Variants in SLC35F4 observed in about 807,000 individuals in gnomAD.
SLC35F4 encodes chromosome 14 open reading frame 36.
A neutral mutation model predicts 44.2 loss-of-function variants in SLC35F4; 24 were observed. That is an observed-to-expected ratio of 0.54 (90% CI 0.39 to 0.76). The LOEUF (loss-of-function observed/expected upper bound fraction) is 0.76, where lower values mean the gene tolerates loss of function less well. Ranked by LOEUF, SLC35F4 falls within the 30% of genes least tolerant of loss-of-function variation. The pLI is 0.00. For synonymous variants in SLC35F4, 238 were observed against 223.6 expected, an observed-to-expected ratio of 1.06 and a Z score of -0.57; for missense variants, 562 against 586.1, an observed-to-expected ratio of 0.96 and a Z score of 0.42.
Position 57,880,030 on chromosome 14 carries a change from GAGGGAGGAAGGAAGGA to G in SLC35F4, n.282+101867_282+101882del, listed in dbSNP as rs1460219404. Among the ~76,000 whole-genome samples, 707 of 120,152 alleles carry G rather than the reference GAGGGAGGAAGGAAGGA, an allele frequency of 5.9e-3. 15 individuals carry two copies. Among genetic ancestry groups the G allele is most frequent in the African/African-American group, 0.022 (622 of 28,572 alleles). The allele number at this position is 120,152 out of a possible 152,430, so 78.8% of individuals were successfully genotyped here. A position where few individuals can be genotyped will look rare whatever the true frequency, so the allele number is the denominator to read the frequency against. On this transcript the variant is annotated intron_variant and non_coding_transcript_variant, in intron 1 of 1. Transcript: ENST00000556568. ...GAAGGGAAAGGAAAGGAAAGGAAAG[GAGGGAGGAAGGAAGGA>G]AGGAAGGAAGGAAGGAAGGAAGGAA...
chr14:57,673,219 T>C (rs1340901648), intron 1 of SLC35F4, among the ~76,000 whole-genome samples: 3 of 152,052 alleles, frequency 2.0e-5, no homozygotes, highest in Non-Finnish European at 4.4e-5. Flanking sequence ...AGGATTATGG[T>C]GGTAACTGAA....
At chr14:57,602,302 A>C (rs533401887) in intron 1 of SLC35F4, 53 of 152,260 alleles carry the variant, frequency 3.5e-4, no homozygotes, top group African/African-American at 1.2e-3. Context: ...AATTGTGGGG[A>C]GCAAACAAGG....
intron 1 of SLC35F4, among the ~76,000 whole-genome samples, chr14:57,931,019 G>A (rs74054812): frequency 0.02 from 3,034 of 152,252 alleles, 86 homozygotes; most frequent in African/African-American, 0.069. Context: ...ATGGGAAAAT[G>A]AAGTATTAAA....
chr14:57,622,932 CAT>C (rs2072269267), intron 1 of SLC35F4, among the ~76,000 whole-genome samples: 1 of 152,102 alleles, frequency 6.6e-6, no homozygotes, highest in African/African-American at 2.4e-5. Flanking sequence ...TAGCTAGCAT[CAT>C]ATGACAGGAT....
chr14:57,877,838 C>A (rs1191635575), intron 1 of SLC35F4, among the ~76,000 whole-genome samples: 1 of 151,832 alleles, frequency 6.6e-6, no homozygotes, highest in Non-Finnish European at 1.5e-5. Flanking sequence ...GCTTATGCCA[C>A]CATACCTGGC....
intron 1 of SLC35F4, among the ~76,000 whole-genome samples, chr14:57,690,626 C>CA (rs1424264701): frequency 1.6e-4 from 24 of 151,954 alleles, no homozygotes; most frequent in Admixed American, 6.6e-4. Flanking sequence ...CTGTAATATA[C>CA]AAAAAATATA....
intron 1 of SLC35F4, among the ~76,000 whole-genome samples, chr14:57,853,975 A>G (rs963691484): frequency 6.6e-6 from 1 of 152,168 alleles, no homozygotes; most frequent in Non-Finnish European, 1.5e-5. Context: ...ACATCTTTCC[A>G]TTTTACATAG....
chr14:57,981,395 T>C (rs937563788), intron 1 of SLC35F4, among the ~76,000 whole-genome samples: 2 of 152,206 alleles, frequency 1.3e-5, no homozygotes, highest in African/African-American at 4.8e-5. Flanking sequence ...ACCCCCATTT[T>C]AGAGTTGAAG....
At chr14:57,709,045 C>T (rs1036754332) in intron 1 of SLC35F4, among the ~76,000 whole-genome samples, 12 of 152,122 alleles carry the variant, frequency 7.9e-5, no homozygotes, top group Admixed American at 5.2e-4. Flanking sequence ...GGACTAGGAG[C>T]GTGACCACTG....
At chr14:57,704,248 C>T (rs767513838) in intron 1 of SLC35F4, among the ~76,000 whole-genome samples, 31 of 152,102 alleles carry the variant, frequency 2.0e-4, no homozygotes, top group South Asian at 4.1e-4. Flanking sequence ...TTGTGGTTTC[C>T]TATGTGTAAA....
chr14:57,865,069 C>CCA (rs1303636795), intron 1 of SLC35F4, among the ~76,000 whole-genome samples: 2 of 143,604 alleles, frequency 1.4e-5, no homozygotes, highest in Admixed American at 6.8e-5. Context: ...CCCCCCCCCC[C>CCA]CACGCCCCCA....
At chr14:57,816,194 C>A (rs952785517) in intron 1 of SLC35F4, among the ~76,000 whole-genome samples, 1 of 152,116 alleles carries the variant, frequency 6.6e-6, no homozygotes, top group South Asian at 2.1e-4. Flanking sequence ...GGGCCCCATG[C>A]GTGTAAAATC....
At chr14:57,716,107 T>C (rs2075933268) in intron 1 of SLC35F4, among the ~76,000 whole-genome samples, 3 of 152,286 alleles carry the variant, frequency 2.0e-5, no homozygotes, top group South Asian at 4.1e-4. Flanking sequence ...AGAGGAATGG[T>C]GAACACCACT....
At chr14:57,647,790 C>T (rs1172010836) in intron 1 of SLC35F4, among the ~76,000 whole-genome samples, 1 of 152,106 alleles carries the variant, frequency 6.6e-6, no homozygotes, top group East Asian at 1.9e-4. Flanking sequence ...CCTGATCACC[C>T]TCAATATGTA....
intron 1 of SLC35F4, among the ~76,000 whole-genome samples, chr14:57,701,074 C>G (rs776002756): frequency 6.6e-6 from 1 of 152,124 alleles, no homozygotes; most frequent in Non-Finnish European, 1.5e-5. Context: ...TGGGTTCAAG[C>G]AGTACTCCCA....
At chr14:57,586,956 A>G (rs896069969) in intron 3 of SLC35F4, among the ~76,000 whole-genome samples, 20 of 36,038 alleles carry the variant, frequency 5.5e-4, no homozygotes, top group Non-Finnish European at 1.0e-3. Flanking sequence ...CAAATTTACA[A>G]GAAAAAAAAA....
At chr14:57,708,265 C>T (rs1033268307) in intron 1 of SLC35F4, among the ~76,000 whole-genome samples, 18 of 152,158 alleles carry the variant, frequency 1.2e-4, no homozygotes, top group African/African-American at 4.3e-4. Context: ...ACTTTGACCC[C>T]CTATGATTCC....
intron 1 of SLC35F4, among the ~76,000 whole-genome samples, chr14:57,611,831 G>C (rs183361573): frequency 5.1e-4 from 78 of 152,206 alleles, no homozygotes; most frequent in African/African-American, 1.8e-3. Context: ...AAGATACATG[G>C]GAGAGTTCCA....
intron 1 of SLC35F4, among the ~76,000 whole-genome samples, chr14:57,907,360 T>C (rs1198342367): frequency 2.0e-5 from 3 of 152,192 alleles, no homozygotes; most frequent in Non-Finnish European, 4.4e-5. Context: ...GACTTTGTTG[T>C]GGTGGTCTGG....
Sources: gnomAD v4.1 joint callset for allele counts (sites outside exome capture counted in the v4.1 genomes callset) on GRCh38, gnomAD v4.1.1 for gene constraint, MANE v1.5 for transcripts, NCBI Gene and HGNC (gene_info 2026-07-23, HGNC 2026-07-21) for gene names.